CDH4: variants seen among roughly 807,000 people sequenced by gnomAD.
CDH4 encodes cadherin 4.
A neutral mutation model predicts 86.0 loss-of-function variants in CDH4; 33 were observed. The ratio of observed to expected loss-of-function variants is 0.38; its 90% CI spans 0.29 to 0.51. The LOEUF (loss-of-function observed/expected upper bound fraction) is 0.51. Ranked by LOEUF, CDH4 falls within the 20% of genes least tolerant of loss-of-function variation. The pLI, the probability that CDH4 is intolerant of heterozygous loss-of-function variation, is 0.86. For missense variants in CDH4, 1,114 were observed against 1,307.4 expected (o/e 0.85, Z 2.28); for synonymous variants, 555 against 549.4 (o/e 1.01, Z -0.14).
intron 2 of CDH4, among the ~76,000 whole-genome samples, chr20:61,380,531 T>TTTTTTCCCCCCCCC (rs2084894574): frequency 4.0e-5 from 6 of 148,838 alleles, no homozygotes; most frequent in African/African-American, 7.5e-5. Context: ...CAAACCCCCC[T>TTTTTTCCCCCCCCC]GCCCCCTCCC....
At chr20:61,677,233 G>A (rs1037259572) in intron 2 of CDH4, among the ~76,000 whole-genome samples, 6 of 152,186 alleles carry the variant, frequency 3.9e-5, no homozygotes, top group Non-Finnish European at 8.8e-5. Context: ...TGATATCTGC[G>A]AGCAGGGCAG....
chr20:61,389,304 A>G (rs2084968311), intron 2 of CDH4, among the ~76,000 whole-genome samples: 1 of 151,972 alleles, frequency 6.6e-6, no homozygotes. Context: ...GATGTTCTTT[A>G]TCTTATCACA....
intron 7 of CDH4, among the ~76,000 whole-genome samples, chr20:61,893,198 GGTGGCTGAAT>G: frequency 7.2e-5 from 10 of 139,372 alleles, no homozygotes; most frequent in Non-Finnish European, 1.3e-4. Flanking sequence ...TAAATGAATG[GGTGGCTGAAT>G]AGAGGGATAG....
At chr20:61,272,356 C>T (rs1172565786) in intron 2 of CDH4, among the ~76,000 whole-genome samples, 2 of 152,204 alleles carry the variant, frequency 1.3e-5, no homozygotes, top group Non-Finnish European at 2.9e-5. Context: ...AGGCTGCAGT[C>T]GCCCCCTGTC....
At chr20:61,629,619 T>C (rs1196549336) in intron 2 of CDH4, among the ~76,000 whole-genome samples, 1 of 152,238 alleles carries the variant, frequency 6.6e-6, no homozygotes, top group Admixed American at 6.5e-5. Context: ...CAGGGAAACC[T>C]GTTAGTAATG....
chr20:61,822,579 G>T (rs1306815690), intron 4 of CDH4, among the ~76,000 whole-genome samples: 1 of 152,178 alleles, frequency 6.6e-6, no homozygotes, highest in African/African-American at 2.4e-5. Flanking sequence ...AGGGGAGGGT[G>T]CCAGGTGAGG....
rs143400273 is a variant in CDH4, at chr20:61,773,093, G to T, written c.487G>T (p.Gly163Trp). ...LPWPQHQNAN[G>W]LRRRKRDWVI... ...GTGGCCCCAGCACCAGAACGCCAAC[G>T]GGCTGAGGCGGCGCAAACGGGACTG... Residue 163 changes from glycine to tryptophan, a missense_variant, in exon 4 of 16, where the codon GGG becomes TGG. By Grantham distance (184) the Gly-to-Trp change is radical. Around this residue, in one of 3 missense-constraint regions of CDH4, gnomAD observed 221 missense variants for 209.5 expected, o/e 1.05. Coordinates refer to ENST00000614565, the MANE Select transcript of CDH4 (RefSeq NM_001794.5). 2 of 1,613,090 alleles carry T rather than the reference G, an allele frequency of 1.2e-6. No individual in the cohort carries two copies. Among genetic ancestry groups the T allele is most frequent in the Non-Finnish European group, 1.7e-6 (2 of 1,179,782 alleles).
intron 2 of CDH4, among the ~76,000 whole-genome samples, chr20:61,715,911 G>A (rs1054706809): frequency 3.3e-5 from 5 of 152,228 alleles, no homozygotes; most frequent in African/African-American, 4.8e-5. Context: ...CTGCGATTGG[G>A]TGGCCCCCTC....
At chr20:61,496,452 A>G (rs766057546) in intron 2 of CDH4, among the ~76,000 whole-genome samples, 1 of 152,082 alleles carries the variant, frequency 6.6e-6, no homozygotes, top group Admixed American at 6.5e-5. Context: ...CCTTCATCCC[A>G]TATCTATCCT....
At chr20:61,863,599 A>C (rs1983421951) in intron 6 of CDH4, among the ~76,000 whole-genome samples, 2 of 152,208 alleles carry the variant, frequency 1.3e-5, no homozygotes, top group South Asian at 4.1e-4. Flanking sequence ...GCACTTGAGC[A>C]TGGCCCAGAT....
intron 8 of CDH4, among the ~76,000 whole-genome samples, chr20:61,909,925 C>A (rs983508889): frequency 5.9e-5 from 9 of 152,228 alleles, no homozygotes; most frequent in Non-Finnish European, 1.0e-4. Context: ...AAGAAGTGCC[C>A]ATTGTTGAAG....
chr20:61,363,411 T>G (rs2084794864), intron 2 of CDH4, among the ~76,000 whole-genome samples: 1 of 148,356 alleles, frequency 6.7e-6, no homozygotes, highest in African/African-American at 2.5e-5. Flanking sequence ...AATCTAAATA[T>G]CTCTCTCTCT....
Position 61,285,620 on chromosome 20 carries a change from A to G in CDH4, c.169+30683A>G, listed in dbSNP as rs759886191. Reference sequence around the variant, plus strand: ...AATAATGAAAGATAAAGGAAATGAAACATTATTAACCATTGATGGATAGTG... The same window carrying G: ...AATAATGAAAGATAAAGGAAATGAAGCATTATTAACCATTGATGGATAGTG... On this transcript the variant is annotated intron_variant, in intron 2 of 15. Transcript: ENST00000614565. Among the ~76,000 whole-genome samples, 26 of 152,336 alleles carry G rather than the reference A, an allele frequency of 1.7e-4. 1 individual carries two copies. The highest frequency in any genetic ancestry group is 6.8e-3 in the Middle Eastern group (2 of 294).
chr20:61,348,048 G>A (rs2084689832), intron 2 of CDH4, among the ~76,000 whole-genome samples: 1 of 152,184 alleles, frequency 6.6e-6, no homozygotes, highest in African/African-American at 2.4e-5. Context: ...CTTCCCACTG[G>A]TCTGTTTCGC....
chr20:61,577,482 G>A (rs2086391370), intron 2 of CDH4, among the ~76,000 whole-genome samples: 1 of 152,208 alleles, frequency 6.6e-6, no homozygotes, highest in African/African-American at 2.4e-5. Flanking sequence ...ATCGAACGAT[G>A]CATAGATCTT....
chr20:61,763,082 G>C (rs886527742), intron 3 of CDH4, among the ~76,000 whole-genome samples: 1 of 152,248 alleles, frequency 6.6e-6, no homozygotes, highest in African/African-American at 2.4e-5. Flanking sequence ...TGGCCGCTGG[G>C]CGGGATGACA....
intron 2 of CDH4, among the ~76,000 whole-genome samples, chr20:61,664,204 G>A (rs2087296311): frequency 2.0e-5 from 3 of 152,214 alleles, no homozygotes. Flanking sequence ...CACCCACTGG[G>A]AGAGCAAGTC....
chr20:61,635,467 A>G (rs767993275), intron 2 of CDH4, among the ~76,000 whole-genome samples: 2 of 152,088 alleles, frequency 1.3e-5, no homozygotes, highest in Non-Finnish European at 2.9e-5. Flanking sequence ...TGGCAGAGGG[A>G]GGGCCTTTTG....
At position 61,881,712 on chromosome 20, in the gene CDH4, G is replaced by A. The variant is rs375830716; in HGVS notation, c.1050+7812G>A. On this transcript the variant is annotated intron_variant, in intron 7 of 15. Transcript: ENST00000614565. The stretch of plus-strand genomic sequence containing the variant: ...TGCAGGTGGGGAGGAGTGAGAACCC[G>A]TCACAGCCGGAAGTCCAGGTCCCCT... Among the ~76,000 whole-genome samples the A allele has an allele frequency of 6.0e-4, 91 of 152,286 alleles. 2 individuals carry two copies. The South Asian group carries it at 0.018, about 30-fold the overall frequency.
Sources: gnomAD v4.1 joint callset for allele counts (sites outside exome capture counted in the v4.1 genomes callset) on GRCh38, gnomAD v4.1.1 for gene constraint, gnomAD v4.1.1 regional missense constraint, MANE v1.5 for transcripts, NCBI Gene and HGNC (gene_info 2026-07-23, HGNC 2026-07-21) for gene names.